Variants in MYOM2 observed in about 807,000 individuals in gnomAD.
MYOM2 encodes the protein myomesin 2.
MYOM2 carries 254 observed loss-of-function variants against 187.6 expected under a neutral mutation model. That is an observed-to-expected ratio of 1.35 (90% CI 1.22 to 1.50). MYOM2 has a LOEUF of 1.50. Among genes scored for constraint, MYOM2 ranks in the 40% most tolerant of loss-of-function variants. The pLI is 0.00. For synonymous variants in MYOM2, 981 were observed against 753.8 expected, an observed-to-expected ratio of 1.30 and a Z score of -4.94; for missense variants, 2,796 against 1,924.0, an observed-to-expected ratio of 1.45 and a Z score of -8.48.
At chr8:2,108,681 A>T in intron 23 of MYOM2, 105 bp from the exon 24 acceptor site, 1 of 1,079,710 alleles carries the variant, frequency 9.3e-7, no homozygotes, top group Non-Finnish European at 1.4e-6. Context: ...TCCTCCAATT[A>T]AATCCTGGGG....
At chr8:2,060,319 A>G (rs1818810051) in intron 6 of MYOM2, among the ~76,000 whole-genome samples, 1 of 152,152 alleles carries the variant, frequency 6.6e-6, no homozygotes, top group Non-Finnish European at 1.5e-5. Flanking sequence ...CCTGAAAACA[A>G]TTATCAAGAG....
At chr8:2,088,463 A>G (rs1203189007) in intron 14 of MYOM2, among the ~76,000 whole-genome samples, 1 of 152,124 alleles carries the variant, frequency 6.6e-6, no homozygotes, top group Non-Finnish European at 1.5e-5. Context: ...TATCGTTGCC[A>G]TCTTCGTGTG....
At chr8:2,135,359 A>G (rs1406875435) in intron 32 of MYOM2, among the ~76,000 whole-genome samples, 12 of 152,078 alleles carry the variant, frequency 7.9e-5, no homozygotes, top group Admixed American at 7.9e-4. Flanking sequence ...CAACATAGTT[A>G]TGTTCATTTG....
chr8:2,112,269 A>G (rs1797091775), intron 25 of MYOM2, among the ~76,000 whole-genome samples: 1 of 152,194 alleles, frequency 6.6e-6, no homozygotes, highest in Non-Finnish European at 1.5e-5. Context: ...AGGTTATATT[A>G]AAACAGTACA....
chr8:2,071,354 T>C (rs1320976706), intron 8 of MYOM2, among the ~76,000 whole-genome samples: 1 of 152,188 alleles, frequency 6.6e-6, no homozygotes, highest in Non-Finnish European at 1.5e-5. Context: ...AGTTTTTTTT[T>C]GGTTTTAAAA....
intron 10 of MYOM2, among the ~76,000 whole-genome samples, chr8:2,074,852 C>G (rs1483317170): frequency 6.6e-6 from 1 of 152,208 alleles, no homozygotes; most frequent in East Asian, 1.9e-4. Context: ...AGCCTCCTTG[C>G]TGAGGCACAG....
At chr8:2,133,758 G>C (rs1220187669) in intron 32 of MYOM2, among the ~76,000 whole-genome samples, 2 of 148,040 alleles carry the variant, frequency 1.4e-5, no homozygotes, top group African/African-American at 5.2e-5. Flanking sequence ...ACAGTGTCTG[G>C]TCTGTCAGTC....
chr8:2,075,927 T>C (rs1230282494), intron 10 of MYOM2, among the ~76,000 whole-genome samples: 1 of 152,252 alleles, frequency 6.6e-6, no homozygotes, highest in Non-Finnish European at 1.5e-5. Context: ...TTATCAAGGA[T>C]TCTATGTTTT....
chr8:2,059,928 G>C (rs570537995), intron 6 of MYOM2, among the ~76,000 whole-genome samples: 1 of 152,120 alleles, frequency 6.6e-6, no homozygotes, highest in African/African-American at 2.4e-5. Flanking sequence ...TTTTAGTAGA[G>C]ACGGGGTTTC....
rs918536908 is a variant in MYOM2, at chr8:2,120,329, G to C, written c.3453+2377G>C. Among the ~76,000 whole-genome samples, 12 of 151,948 alleles carry C rather than the reference G, an allele frequency of 7.9e-5. 1 individual carries two copies. Among genetic ancestry groups the C allele is most frequent in the Admixed American group, 4.6e-4 (7 of 15,256 alleles). The stretch of plus-strand genomic sequence containing the variant: ...TGAGGCCAGGCGGGATAAATGGAGA[G>C]GAGGCAGGGCTAAGCCTTGGTGATC... On this transcript the variant is annotated intron_variant, in intron 28 of 36. Transcript: ENST00000262113.
chr8:2,085,468 G>GCTGTCGTGATCTCCGCGTGGCCTCCCA, intron 14 of MYOM2, 78 bp downstream of exon 14: 1 of 1,416,058 alleles, frequency 7.1e-7, no homozygotes, highest in Admixed American at 2.1e-5. Context: ...GTGGCCCACC[G>GCTGTCGTGATCTCCGCGTGGCCTCCCA]CTGTCGTGAT....
At chr8:2,086,395 T>TCGTGTTTGC (rs1796058421) in intron 14 of MYOM2, among the ~76,000 whole-genome samples, 1 of 127,512 alleles carries the variant, frequency 7.8e-6, no homozygotes, top group Non-Finnish European at 1.6e-5. Flanking sequence ...CCTCCCACTG[T>TCGTGTTTGC]TGTGATCTCT....
intron 28 of MYOM2, among the ~76,000 whole-genome samples, chr8:2,120,696 A>ATATAT (rs1491564842): frequency 1.7e-4 from 14 of 83,996 alleles, no homozygotes; most frequent in African/African-American, 4.8e-4. Flanking sequence ...ATAAATATAT[A>ATATAT]ATATATATAT....
intron 25 of MYOM2, among the ~76,000 whole-genome samples, chr8:2,112,521 G>T (rs1866715): frequency 6.6e-6 from 1 of 151,818 alleles, no homozygotes; most frequent in Non-Finnish European, 1.5e-5. Context: ...TCAACGGAGG[G>T]GGCTGTTTGC....
chr8:2,050,683 A>G (rs1818452772), intron 1 of MYOM2, 72 bp from the exon 2 acceptor site: 2 of 871,678 alleles, frequency 2.3e-6, no homozygotes, highest in South Asian at 3.2e-5. Context: ...CCCCTTTGGA[A>G]TGATGCAGAA....
At chr8:2,144,169 C>T (rs575094069) in intron 36 of MYOM2, among the ~76,000 whole-genome samples, 13 of 151,432 alleles carry the variant, frequency 8.6e-5, no homozygotes, top group African/African-American at 2.0e-4. Flanking sequence ...AATTAGCAAT[C>T]GTTTTACTTT....
chr8:2,093,296 A>C (rs963637140), intron 16 of MYOM2, among the ~76,000 whole-genome samples: 16 of 152,238 alleles, frequency 1.1e-4, no homozygotes, highest in African/African-American at 3.6e-4. Context: ...GATCAGAATA[A>C]GAAACTTAAA....
In MYOM2 at chr8:2,057,603, A is replaced by C; in HGVS notation, c.403-20A>C. 6.2e-7 allele frequency: 1 copy of C among 1,613,662 alleles called. No homozygotes were observed. The highest frequency in any genetic ancestry group is 2.2e-5 in the East Asian group (1 of 44,854). On this transcript the variant is annotated intron_variant, in intron 4 of 36. Transcript: ENST00000262113. ...TGGCTCGCTGCCTGGGAACCTGACC[A>C]TCCTTGCTTCTCGGGGCAGATGGAG...
intron 12 of MYOM2, among the ~76,000 whole-genome samples, chr8:2,079,211 A>C (rs1258494808): frequency 1.3e-5 from 2 of 150,580 alleles, no homozygotes; most frequent in Non-Finnish European, 3.0e-5. Flanking sequence ...CCTTTTTTTT[A>C]TTCCATTGGT....
Sources: allele counts gnomAD v4.1 joint callset (sites outside exome capture counted in the v4.1 genomes callset), GRCh38; gene constraint gnomAD v4.1.1; transcripts MANE v1.5; gene names NCBI Gene and HGNC (gene_info 2026-07-23, HGNC 2026-07-21).